MARCHF1: variants seen among roughly 807,000 people sequenced by gnomAD.
MARCHF1 encodes the protein membrane associated ring-CH-type finger 1.
MARCHF1 carries 40 observed loss-of-function variants against 54.2 expected under a neutral mutation model. The observed-to-expected ratio is 0.74, with a 90% CI of 0.57 to 0.96. MARCHF1 has a LOEUF of 0.96. Among genes scored for constraint, MARCHF1 ranks in the 40% least tolerant of loss-of-function variants. MARCHF1 has a pLI of 0.00. For synonymous variants in MARCHF1, 236 were observed against 236.3 expected, an observed-to-expected ratio of 1.00 and a Z score of 0.01; for missense variants, 586 against 656.5, an observed-to-expected ratio of 0.89 and a Z score of 1.17.
intron 4 of MARCHF1, among the ~76,000 whole-genome samples, chr4:163,736,549 T>TGGG (rs10539755): frequency 6.2e-3 from 816 of 131,318 alleles, no homozygotes; most frequent in Non-Finnish European, 8.8e-3. Flanking sequence ...AAGGGTTGGG[T>TGGG]GGGGGGGGGG....
chr4:164,114,451 A>G (rs551968231), intron 1 of MARCHF1, among the ~76,000 whole-genome samples: 1 of 151,964 alleles, frequency 6.6e-6, no homozygotes, highest in Non-Finnish European at 1.5e-5. Context: ...TAATTCAAAA[A>G]TAAGTATTAA....
At chr4:164,100,256 A>C (rs1755511352) in intron 2 of MARCHF1, among the ~76,000 whole-genome samples, 2 of 152,194 alleles carry the variant, frequency 1.3e-5, no homozygotes, top group Non-Finnish European at 2.9e-5. Flanking sequence ...TAGAAACCAC[A>C]TTCACCTGGC....
intron 1 of MARCHF1, among the ~76,000 whole-genome samples, chr4:164,214,476 C>T (rs578183773): frequency 4.6e-5 from 7 of 152,084 alleles, no homozygotes; most frequent in Admixed American, 4.6e-4. Flanking sequence ...AAAAAAAACC[C>T]TCCACTTTTT....
chr4:164,054,057 T>C (rs934489758), intron 2 of MARCHF1, among the ~76,000 whole-genome samples: 1 of 151,560 alleles, frequency 6.6e-6, no homozygotes, highest in Non-Finnish European at 1.5e-5. Flanking sequence ...GAATCTACAA[T>C]GAACTCAAAC....
chr4:163,960,594 G>A lies in MARCHF1; in HGVS notation c.-39+27907C>T, dbSNP rs548946473. Among the ~76,000 whole-genome samples, 46 of 151,962 alleles carry A rather than the reference G, an allele frequency of 3.0e-4. 1 individual carries two copies. The highest frequency in any genetic ancestry group is 3.2e-4 in the Non-Finnish European group (22 of 67,884). On this transcript the variant is annotated intron_variant, in intron 3 of 9. Transcript: ENST00000514618. ...ACTGCATATCTTCACTTGTAAGTGG[G>A]AGCTAAATGATGGAACTCATGAACA... is the stretch of plus-strand genomic sequence containing the variant.
At chr4:163,850,676 C>A (rs1749616618) in intron 4 of MARCHF1, among the ~76,000 whole-genome samples, 1 of 152,120 alleles carries the variant, frequency 6.6e-6, no homozygotes, top group Non-Finnish European at 1.5e-5. Context: ...GGTAGAAAGC[C>A]TTCTAGTTGC....
chr4:164,351,351 T>G (rs1730324379), intron 1 of MARCHF1, among the ~76,000 whole-genome samples: 1 of 151,052 alleles, frequency 6.6e-6, no homozygotes, highest in Admixed American at 6.6e-5. Context: ...TCTGCAGACT[T>G]AAATGTCCCT....
At chr4:163,585,640 A>T in intron 8 of MARCHF1, 109 bp downstream of exon 8, 1 of 846,444 alleles carries the variant, frequency 1.2e-6, no homozygotes, top group Non-Finnish European at 1.8e-6. Flanking sequence ...ACATACCCTT[A>T]ATGGATATTA....
intron 8 of MARCHF1, chr4:163,584,816 A>G (rs1356612677): frequency 3.3e-5 from 5 of 152,228 alleles, no homozygotes; most frequent in Non-Finnish European, 7.3e-5. Context: ...GCAATGTCCT[A>G]TAACTTTTGC....
At chr4:163,718,401 G>A (rs756538286) in intron 4 of MARCHF1, among the ~76,000 whole-genome samples, 2 of 151,650 alleles carry the variant, frequency 1.3e-5, no homozygotes, top group Non-Finnish European at 2.9e-5. Flanking sequence ...TGCAATCTAC[G>A]CATCTGACAA....
chr4:163,808,786 C>T (rs1748301106), intron 4 of MARCHF1, among the ~76,000 whole-genome samples: 2 of 152,124 alleles, frequency 1.3e-5, no homozygotes, highest in African/African-American at 4.8e-5. Context: ...CTAGGCTGGT[C>T]TTGAACTCCT....
intron 1 of MARCHF1, among the ~76,000 whole-genome samples, chr4:164,312,026 T>C (rs913779980): frequency 1.1e-4 from 16 of 152,196 alleles, no homozygotes; most frequent in African/African-American, 3.9e-4. Flanking sequence ...TAATTCTCTA[T>C]GCATGTCAAA....
rs370938466 is a variant in MARCHF1 at position 164,312,542 on chromosome 4, T to G, written c.-323+71328A>C. Among the ~76,000 whole-genome samples the G allele has an allele frequency of 1.4e-4, 22 of 152,084 alleles. 1 individual carries two copies. The South Asian group carries it at 4.6e-3, about 32-fold the overall frequency. ...TTTCACCATGTTAGCCAGGATGGTC[T>G]CGATCTCCTGACCTCGTGATCTGCC... On this transcript the variant is annotated intron_variant, in intron 1 of 9. Transcript: ENST00000514618.
chr4:164,150,480 A>T (rs553023756), intron 1 of MARCHF1, among the ~76,000 whole-genome samples: 2 of 152,268 alleles, frequency 1.3e-5, no homozygotes, highest in South Asian at 4.1e-4. Flanking sequence ...GTATTCTTTA[A>T]AAAAGCAGCA....
chr4:163,892,632 T>A (rs1323020300), intron 3 of MARCHF1, among the ~76,000 whole-genome samples: 6 of 149,736 alleles, frequency 4.0e-5, no homozygotes, highest in South Asian at 2.1e-4. Context: ...TAAAAAAAAT[T>A]AAAAAAAAAT....
intron 1 of MARCHF1, among the ~76,000 whole-genome samples, chr4:164,203,536 C>T (rs1186269559): frequency 6.6e-6 from 1 of 152,096 alleles, no homozygotes; most frequent in East Asian, 1.9e-4. Flanking sequence ...GAATGAAACC[C>T]ACCTACATTA....
At chr4:163,983,364 C>T (rs1281946108) in intron 3 of MARCHF1, among the ~76,000 whole-genome samples, 1 of 151,918 alleles carries the variant, frequency 6.6e-6, no homozygotes, top group Non-Finnish European at 1.5e-5. Context: ...GAATTTTGTC[C>T]CAGTATCCTC....
intron 8 of MARCHF1, among the ~76,000 whole-genome samples, chr4:163,548,127 T>C (rs772177628): frequency 3.4e-4 from 52 of 152,206 alleles, no homozygotes; most frequent in Non-Finnish European, 4.4e-4. Flanking sequence ...CTTTGGTTTA[T>C]TGTCGTATTA....
intron 3 of MARCHF1, among the ~76,000 whole-genome samples, chr4:163,966,346 TAGC>T (rs1752443594): frequency 1.3e-5 from 2 of 152,180 alleles, no homozygotes; most frequent in East Asian, 3.9e-4. Flanking sequence ...TTCATAGCTA[TAGC>T]CTGTAAATTT....
Sources: gnomAD v4.1 joint callset for allele counts (sites outside exome capture counted in the v4.1 genomes callset) on GRCh38, gnomAD v4.1.1 for gene constraint, MANE v1.5 for transcripts, NCBI Gene and HGNC (gene_info 2026-07-23, HGNC 2026-07-21) for gene names.